The following SRGAP3 variants were observed in gnomAD, a reference collection of about 807,000 sequenced individuals.
SRGAP3 encodes the protein SLIT-ROBO Rho GTPase-activating protein 3.
SRGAP3 carries 39 observed loss-of-function variants against 121.1 expected under a neutral mutation model. The observed-to-expected ratio is 0.32, with a 90% CI of 0.25 to 0.42. SRGAP3 has a LOEUF of 0.42. Ranked by LOEUF, SRGAP3 falls within the 10% of genes least tolerant of loss-of-function variation. SRGAP3 has a pLI of 1.00. For synonymous variants in SRGAP3, 601 were observed against 570.0 expected (o/e 1.05, Z -0.77); for missense variants, 1,213 against 1,470.6 (o/e 0.82, Z 2.86).
chr3:9,277,084 TA>T (rs1424210404), intron 3 of SRGAP3, among the ~76,000 whole-genome samples: 5 of 152,330 alleles, frequency 3.3e-5, no homozygotes, highest in Non-Finnish European at 7.3e-5. Context: ...TAATACCTAT[TA>T]TAAAAGATTA....
chr3:9,109,837 A>C lies in SRGAP3; in HGVS notation c.261-4995T>G, dbSNP rs950101925. Reference sequence around the variant, plus strand: ...GCCTTCAAAGGGGAGAAATGTGATGAGCAAAGGCCCAGGGAGGAGCAGGAG... The same window carrying C: ...GCCTTCAAAGGGGAGAAATGTGATGCGCAAAGGCCCAGGGAGGAGCAGGAG... On this transcript the variant is annotated intron_variant, in intron 2 of 21. Coordinates refer to ENST00000383836, the MANE Select transcript of SRGAP3 (RefSeq NM_014850.4). This position sits in a 1 kb window ranked among gnomAD's most constrained non-coding sequence, Gnocchi z 4.4. 6.6e-6 allele frequency among the ~76,000 whole-genome samples: 1 copy of C among 152,058 alleles called. No homozygotes were observed. Among genetic ancestry groups the C allele is most frequent in the Admixed American group, 6.5e-5 (1 of 15,270 alleles).
intron 1 of SRGAP3, among the ~76,000 whole-genome samples, chr3:9,150,745 G>A (rs1278356760): frequency 6.6e-6 from 1 of 151,746 alleles, no homozygotes; most frequent in Non-Finnish European, 1.5e-5. Context: ...CCTCTATGAA[G>A]GAAAAAAAAA....
chr3:9,344,986 G>A (rs1455060974), intron 1 of SRGAP3, among the ~76,000 whole-genome samples: 2 of 151,950 alleles, frequency 1.3e-5, no homozygotes, highest in African/African-American at 4.8e-5. Flanking sequence ...GCAGTGAGCT[G>A]AGATTGCACC....
Position 9,273,453 on chromosome 3 carries a change from T to G in SRGAP3, n.442+52557A>C, listed in dbSNP as rs190541793. 2.0e-3 allele frequency among the ~76,000 whole-genome samples: 299 copies of G among 152,358 alleles called. 2 individuals carry two copies. Among genetic ancestry groups the G allele is most frequent in the South Asian group, 7.7e-3 (37 of 4,828 alleles). On this transcript the variant is annotated intron_variant and non_coding_transcript_variant, in intron 3 of 3. Transcript: ENST00000490889. Reference sequence around the variant, plus strand: ...AATTTTTGATCCAGTCGTTTGTTTTTGTCATTGCTGAGTTTTAGGAGTTCT... The same window carrying G: ...AATTTTTGATCCAGTCGTTTGTTTTGGTCATTGCTGAGTTTTAGGAGTTCT...
intron 1 of SRGAP3, among the ~76,000 whole-genome samples, chr3:9,126,389 T>A (rs1949227914): frequency 6.6e-6 from 1 of 152,164 alleles, no homozygotes. Context: ...CCCAGCACTT[T>A]GGGAGGCCGA....
At chr3:9,266,824 G>A (rs570095132) in intron 3 of SRGAP3, among the ~76,000 whole-genome samples, 1 of 152,278 alleles carries the variant, frequency 6.6e-6, no homozygotes, top group East Asian at 1.9e-4. Flanking sequence ...AATAAATACT[G>A]CAGCTGTTTC....
At chr3:9,230,082 C>T (rs1180956999) in intron 1 of SRGAP3, among the ~76,000 whole-genome samples, 4 of 152,222 alleles carry the variant, frequency 2.6e-5, no homozygotes, top group Non-Finnish European at 5.9e-5. Flanking sequence ...GAGCCTGCAG[C>T]GCGGCTCTTA....
intron 1 of SRGAP3, among the ~76,000 whole-genome samples, chr3:9,343,722 G>A (rs185815534): frequency 7.2e-5 from 11 of 152,274 alleles, no homozygotes; most frequent in Admixed American, 1.3e-4. Context: ...CCAGGCTAGA[G>A]TGCAGACACA....
chr3:9,187,263 G>T (rs567426270), intron 1 of SRGAP3, among the ~76,000 whole-genome samples: 4 of 152,232 alleles, frequency 2.6e-5, no homozygotes, highest in Admixed American at 6.5e-5. Context: ...AAGTTTTAAT[G>T]GCGATCTTTC....
intron 3 of SRGAP3, among the ~76,000 whole-genome samples, chr3:9,293,818 T>C (rs192552245): frequency 2.0e-5 from 3 of 152,172 alleles, no homozygotes; most frequent in Admixed American, 2.0e-4. Flanking sequence ...ATGGCTACTA[T>C]TAAAAATTCA....
intron 18 of SRGAP3, among the ~76,000 whole-genome samples, chr3:9,003,698 A>G (rs1411176633): frequency 2.0e-5 from 3 of 152,222 alleles, no homozygotes; most frequent in African/African-American, 7.2e-5. Flanking sequence ...ACAAAATCTA[A>G]TATCCTTTCA....
chr3:9,191,380 C>G (rs534327755), intron 1 of SRGAP3, among the ~76,000 whole-genome samples: 1 of 152,206 alleles, frequency 6.6e-6, no homozygotes, highest in Non-Finnish European at 1.5e-5. Flanking sequence ...ACATTTCTCA[C>G]GCTAAAGGAG....
intron 1 of SRGAP3, among the ~76,000 whole-genome samples, chr3:9,132,007 G>T (rs956196870): frequency 6.6e-6 from 1 of 152,164 alleles, no homozygotes; most frequent in Non-Finnish European, 1.5e-5. Flanking sequence ...CGTATGGAGA[G>T]CAAGATTCCT....
At chr3:9,009,158 A>T (rs1943234038) in intron 18 of SRGAP3, among the ~76,000 whole-genome samples, 1 of 152,190 alleles carries the variant, frequency 6.6e-6, no homozygotes, top group Non-Finnish European at 1.5e-5. Context: ...TGTCATTAGC[A>T]ACTGAAATAG....
chr3:9,321,248 C>T (rs1955433959), intron 3 of SRGAP3, among the ~76,000 whole-genome samples: 2 of 151,928 alleles, frequency 1.3e-5, no homozygotes, highest in Non-Finnish European at 2.9e-5. Context: ...GCCTTCAAGT[C>T]TTCCAGTGAA....
intron 1 of SRGAP3, among the ~76,000 whole-genome samples, chr3:9,242,692 T>C (rs1953688943): frequency 6.6e-6 from 1 of 152,152 alleles, no homozygotes; most frequent in Non-Finnish European, 1.5e-5. Flanking sequence ...AGATTAAAAC[T>C]TTTTCTTTTT....
chr3:9,283,668 C>T (rs918265109), intron 3 of SRGAP3, among the ~76,000 whole-genome samples: 1 of 151,866 alleles, frequency 6.6e-6, no homozygotes, highest in Non-Finnish European at 1.5e-5. Context: ...AGAGCAATTA[C>T]GGTCTTTGTT....
intron 1 of SRGAP3, among the ~76,000 whole-genome samples, chr3:9,189,176 C>T (rs1447528080): frequency 6.6e-6 from 1 of 152,206 alleles, no homozygotes; most frequent in Non-Finnish European, 1.5e-5. Context: ...CCCTGAGCTC[C>T]AGTCAATCTT....
chr3:8,999,158 C>T (rs1373875683), intron 18 of SRGAP3, among the ~76,000 whole-genome samples: 1 of 152,162 alleles, frequency 6.6e-6, no homozygotes, highest in African/African-American at 2.4e-5. Context: ...CAGCCCAGCC[C>T]CTGAGCTACA....
Sources: allele counts gnomAD v4.1 joint callset (sites outside exome capture counted in the v4.1 genomes callset), GRCh38; gene constraint gnomAD v4.1.1; non-coding constraint Gnocchi (gnomAD v3.1); transcripts MANE v1.5; gene names NCBI Gene and HGNC (gene_info 2026-07-23, HGNC 2026-07-21).